Variants in BMERB1 observed in about 807,000 individuals in gnomAD.
BMERB1 encodes the protein bMERB domain containing 1.
In BMERB1, 12 loss-of-function variants were observed where a neutral mutation model predicts 23.6. The ratio of observed to expected loss-of-function variants is 0.51; its 90% CI spans 0.33 to 0.82. The LOEUF (loss-of-function observed/expected upper bound fraction) is 0.82. Ranked by LOEUF, BMERB1 falls within the 40% of genes least tolerant of loss-of-function variation. The pLI, the probability that BMERB1 is intolerant of heterozygous loss-of-function variation, is 0.03. For missense variants in BMERB1, 247 were observed against 255.4 expected (o/e 0.97, Z 0.22); for synonymous variants, 122 against 96.6 (o/e 1.26, Z -1.54).
intron 2 of BMERB1, among the ~76,000 whole-genome samples, chr16:15,533,511 C>T (rs1228329752): frequency 1.3e-5 from 2 of 152,068 alleles, no homozygotes; most frequent in East Asian, 3.9e-4. Flanking sequence ...CCTCCTGCGT[C>T]AGCCTTCTGA....
intron 2 of BMERB1, among the ~76,000 whole-genome samples, chr16:15,545,468 G>A (rs763283163): frequency 6.6e-6 from 1 of 152,122 alleles, no homozygotes; most frequent in Non-Finnish European, 1.5e-5. Flanking sequence ...ACACTCTGAC[G>A]CTTCTTTTGG....
At chr16:15,582,900 G>A (rs1286557424) in intron 4 of BMERB1, among the ~76,000 whole-genome samples, 1 of 152,166 alleles carries the variant, frequency 6.6e-6, no homozygotes, top group African/African-American at 2.4e-5. Flanking sequence ...GCAGGGTCCT[G>A]TAATGTCCCT....
At chr16:15,475,818 T>A (rs2051270429) in intron 1 of BMERB1, among the ~76,000 whole-genome samples, 1 of 151,982 alleles carries the variant, frequency 6.6e-6, no homozygotes, top group Non-Finnish European at 1.5e-5. Context: ...AACTTTAATC[T>A]CCTGTCAATG....
chr16:15,485,299 G>A (rs1192955027), intron 1 of BMERB1, among the ~76,000 whole-genome samples: 1 of 152,166 alleles, frequency 6.6e-6, no homozygotes, highest in African/African-American at 2.4e-5. Flanking sequence ...GTCATTCAAA[G>A]TTCACTAGGC....
chr16:15,560,898 C>T (rs1348180298), intron 2 of BMERB1, among the ~76,000 whole-genome samples: 1 of 151,552 alleles, frequency 6.6e-6, no homozygotes, highest in African/African-American at 2.4e-5. Context: ...TAGCTCCATT[C>T]CTCAGAAATA....
At chr16:15,501,009 T>G (rs558098198) in intron 1 of BMERB1, among the ~76,000 whole-genome samples, 9 of 152,252 alleles carry the variant, frequency 5.9e-5, no homozygotes, top group African/African-American at 1.9e-4. Flanking sequence ...ACTTCCATAC[T>G]CCCTCCAAAA....
intron 2 of BMERB1, among the ~76,000 whole-genome samples, chr16:15,562,464 CCT>C (rs1221036440): frequency 6.6e-6 from 1 of 152,092 alleles, no homozygotes; most frequent in African/African-American, 2.4e-5. Context: ...TCCATCTTCT[CCT>C]CTCTTACCTC....
chr16:15,443,472 C>T (rs1200206870), intron 1 of BMERB1, among the ~76,000 whole-genome samples: 2 of 152,046 alleles, frequency 1.3e-5, no homozygotes, highest in African/African-American at 2.4e-5. Context: ...CTGGGGGGCC[C>T]GGAAGCTGTG....
At chr16:15,458,004 G>A (rs779391183) in intron 1 of BMERB1, among the ~76,000 whole-genome samples, 1 of 152,104 alleles carries the variant, frequency 6.6e-6, no homozygotes, top group Admixed American at 6.6e-5. Context: ...TCACTATCAC[G>A]AGAACAGCAT....
Position 15,462,362 on chromosome 16 carries a change from C to T in BMERB1, c.106+27603C>T, listed in dbSNP as rs2051143600. Reference sequence around the variant, plus strand: ...AGGGACAGGGTTTCACTATGTTGGCCAGGCTGGTCTTGAAGTCCTGACCTT... The same window carrying T: ...AGGGACAGGGTTTCACTATGTTGGCTAGGCTGGTCTTGAAGTCCTGACCTT... On this transcript the variant is annotated intron_variant, in intron 1 of 5. Transcript: ENST00000300006. Among the ~76,000 whole-genome samples, 6 of 151,990 alleles carry T rather than the reference C, an allele frequency of 3.9e-5. No homozygotes were observed. The South Asian group carries it at 1.2e-3, about 32-fold the overall frequency.
At chr16:15,585,743 C>T (rs1385101423) in intron 5 of BMERB1, among the ~76,000 whole-genome samples, 3 of 152,042 alleles carry the variant, frequency 2.0e-5, no homozygotes, top group African/African-American at 4.8e-5. Flanking sequence ...GCAGGAGAAT[C>T]GCTTGAACCC....
chr16:15,570,113 A>C (rs1384639072), intron 3 of BMERB1, among the ~76,000 whole-genome samples: 2 of 152,058 alleles, frequency 1.3e-5, no homozygotes, highest in African/African-American at 4.8e-5. Context: ...GGTGTTTTCA[A>C]ATAGGCCAGA....
Position 15,515,439 on chromosome 16 carries a change from T to C in BMERB1, c.230+11T>C, listed in dbSNP as rs1052735387. ...TGAGCTCAGGTTCATGTGAGTGTTT[T>C]GGGGATGTGGCCAAGGAAAGAAGTG... On this transcript the variant is annotated intron_variant, in intron 2 of 5. Transcript: ENST00000300006. 1.9e-6 allele frequency: 3 copies of C among 1,612,046 alleles called. No homozygotes were observed. The highest frequency in any genetic ancestry group is 2.5e-6 in the Non-Finnish European group (3 of 1,179,136).
chr16:15,556,724 T>C (rs2030270042), intron 2 of BMERB1, among the ~76,000 whole-genome samples: 1 of 152,178 alleles, frequency 6.6e-6, no homozygotes, highest in Admixed American at 6.6e-5. Context: ...TAGCTAGGAC[T>C]ACAAGCACGT....
At chr16:15,481,387 T>C (rs1409680919) in intron 1 of BMERB1, among the ~76,000 whole-genome samples, 2 of 151,852 alleles carry the variant, frequency 1.3e-5, no homozygotes, top group Non-Finnish European at 2.9e-5. Context: ...ATTAGCTGGG[T>C]GTGGTGGTGG....
intron 1 of BMERB1, among the ~76,000 whole-genome samples, chr16:15,473,810 T>C (rs1179800251): frequency 6.6e-6 from 1 of 152,090 alleles, no homozygotes; most frequent in Non-Finnish European, 1.5e-5. Flanking sequence ...TCATTTAAAT[T>C]GATGTTCCCT....
intron 1 of BMERB1, among the ~76,000 whole-genome samples, chr16:15,481,011 A>G (rs994447294): frequency 3.3e-5 from 5 of 152,204 alleles, no homozygotes; most frequent in African/African-American, 1.2e-4. Context: ...TCTAATAATA[A>G]AAAATTAGAA....
intron 3 of BMERB1, among the ~76,000 whole-genome samples, chr16:15,568,499 G>A (rs1419938685): frequency 1.3e-5 from 2 of 152,046 alleles, no homozygotes; most frequent in East Asian, 1.9e-4. Context: ...TTAGCCAGGT[G>A]TGGTGGCACA....
At chr16:15,502,547 C>T (rs561451988) in intron 1 of BMERB1, among the ~76,000 whole-genome samples, 7 of 152,210 alleles carry the variant, frequency 4.6e-5, no homozygotes, top group South Asian at 2.1e-4. Flanking sequence ...AGCAAGAAGG[C>T]GAGGCACTTG....
Sources: gnomAD v4.1 joint callset for allele counts (sites outside exome capture counted in the v4.1 genomes callset) on GRCh38, gnomAD v4.1.1 for gene constraint, MANE v1.5 for transcripts, NCBI Gene and HGNC (gene_info 2026-07-23, HGNC 2026-07-21) for gene names.